Variants in ZRANB3 observed in about 807,000 individuals in gnomAD.
ZRANB3 encodes DNA annealing helicase and endonuclease ZRANB3.
ZRANB3 carries 125 observed loss-of-function variants against 133.8 expected under a neutral mutation model. The ratio of observed to expected loss-of-function variants is 0.93; its 90% CI spans 0.81 to 1.08. The LOEUF is 1.08. ZRANB3 is among the 50% of genes least tolerant of loss of function. The pLI is 0.00. For missense variants in ZRANB3, 1,229 were observed against 1,275.5 expected (o/e 0.96, Z 0.56); for synonymous variants, 387 against 432.7 (o/e 0.89, Z 1.31).
At chr2:135,213,681 G>T (rs1694192313) in intron 17 of ZRANB3, among the ~76,000 whole-genome samples, 1 of 152,006 alleles carries the variant, frequency 6.6e-6, no homozygotes, top group East Asian at 1.9e-4. Flanking sequence ...TTTTCTCCAG[G>T]TATACTAGAA....
rs1239766484 is a variant in ZRANB3, at chr2:135,350,100, AT to A, written c.474del (p.Glu158AspfsTer5). 6.2e-7 allele frequency: 1 copy of A among 1,613,700 alleles called. No homozygotes were observed. The highest frequency in any genetic ancestry group is 1.1e-5 in the South Asian group (1 of 91,076). The stretch of plus-strand genomic sequence containing the variant: ...GCATTTCTGGATTTCATGTAGTGTG[AT>A]TCATCCACTATAACTACTTTGAAGT... ...NQNFKVVIVD[E>X]SHYMKSRNAT... is the part of the protein sequence containing the mutation. On this transcript the variant is annotated frameshift_variant, in exon 5 of 21. Transcript: ENST00000264159. LOFTEE classifies it high-confidence loss of function.
intron 3 of ZRANB3, among the ~76,000 whole-genome samples, chr2:135,387,212 C>T (rs1367095034): frequency 6.6e-6 from 1 of 152,012 alleles, no homozygotes; most frequent in African/African-American, 2.4e-5. Flanking sequence ...AGGCTTTTCA[C>T]TATTTGATGA....
intron 6 of ZRANB3, among the ~76,000 whole-genome samples, chr2:135,318,281 G>T (rs1174476881): frequency 6.8e-6 from 1 of 147,502 alleles, no homozygotes; most frequent in Non-Finnish European, 1.5e-5. Context: ...CTACACAAAA[G>T]CAGGAGATTC....
chr2:135,300,029 G>T (rs1682354098), intron 8 of ZRANB3, among the ~76,000 whole-genome samples: 1 of 152,130 alleles, frequency 6.6e-6, no homozygotes, highest in African/African-American at 2.4e-5. Context: ...TCTGTCTAGA[G>T]CAAAGGAAGA....
chr2:135,210,320 CATTTTATTTT>C lies in ZRANB3; in HGVS notation c.2496-1352_2496-1343del, dbSNP rs10630129. 1.5e-4 allele frequency among the ~76,000 whole-genome samples: 23 copies of C among 151,558 alleles called. 1 individual carries two copies. Among genetic ancestry groups the C allele is most frequent in the Non-Finnish European group, 2.6e-4 (18 of 67,966 alleles). ...ATCTTTGCAGAAATGCTGATTAATT[CATTTTATTTT>C]ATTTTATTTTATTTTATTTTTTGAG... On this transcript the variant is annotated intron_variant, in intron 17 of 20. Coordinates refer to ENST00000264159, the MANE Select transcript of ZRANB3 (RefSeq NM_032143.4).
At chr2:135,462,377 G>GT (rs751287197) in intron 2 of ZRANB3, among the ~76,000 whole-genome samples, 13 of 152,096 alleles carry the variant, frequency 8.5e-5, no homozygotes, top group Non-Finnish European at 1.8e-4. Flanking sequence ...ACAATTCCAC[G>GT]TAACTAAAAA....
At chr2:135,485,963 T>C (rs1383184783) in intron 2 of ZRANB3, among the ~76,000 whole-genome samples, 3 of 152,226 alleles carry the variant, frequency 2.0e-5, no homozygotes, top group Non-Finnish European at 4.4e-5. Flanking sequence ...TTTCATGTAT[T>C]AATACATATA....
intron 5 of ZRANB3, among the ~76,000 whole-genome samples, chr2:135,346,811 T>C (rs1217446922): frequency 6.6e-6 from 1 of 152,226 alleles, no homozygotes; most frequent in East Asian, 1.9e-4. Context: ...ATTCATATAC[T>C]ATTCAAACTT....
At chr2:135,241,534 A>G (rs1402388380) in intron 12 of ZRANB3, among the ~76,000 whole-genome samples, 2 of 152,036 alleles carry the variant, frequency 1.3e-5, no homozygotes, top group African/African-American at 2.4e-5. Flanking sequence ...TCAAATGTCT[A>G]ATGACACTTG....
At chr2:135,490,543 G>C (rs1463433468) in intron 2 of ZRANB3, among the ~76,000 whole-genome samples, 1 of 152,086 alleles carries the variant, frequency 6.6e-6, no homozygotes, top group African/African-American at 2.4e-5. Context: ...GCACACTGTT[G>C]GTAGGAATGT....
intron 14 of ZRANB3, among the ~76,000 whole-genome samples, chr2:135,225,214 G>A (rs982896906): frequency 3.3e-5 from 5 of 152,284 alleles, no homozygotes; most frequent in South Asian, 2.1e-4. Context: ...ACTGAGGCAC[G>A]TTAACTTACT....
At chr2:135,477,777 T>C (rs1337153523) in intron 2 of ZRANB3, among the ~76,000 whole-genome samples, 2 of 152,162 alleles carry the variant, frequency 1.3e-5, no homozygotes, top group Admixed American at 1.3e-4. Context: ...GAGGACTGCT[T>C]AAGCCCAGGA....
chr2:135,265,926 C>G (rs1680220405), intron 11 of ZRANB3, among the ~76,000 whole-genome samples: 1 of 152,144 alleles, frequency 6.6e-6, no homozygotes, highest in Non-Finnish European at 1.5e-5. Flanking sequence ...AAACCTGAAA[C>G]ACGCCAGGTG....
intron 3 of ZRANB3, among the ~76,000 whole-genome samples, chr2:135,371,069 C>T (rs1686157163): frequency 6.6e-6 from 1 of 152,152 alleles, no homozygotes; most frequent in Non-Finnish European, 1.5e-5. Flanking sequence ...TGCCCAGTCT[C>T]AGGTATTTCT....
chr2:135,211,613 A>G (rs1426328223), intron 17 of ZRANB3, among the ~76,000 whole-genome samples: 1 of 152,214 alleles, frequency 6.6e-6, no homozygotes, highest in East Asian at 1.9e-4. Context: ...ATTTTTAGAA[A>G]TAAATAATAG....
In ZRANB3 at chr2:135,416,804, A is replaced by G. The variant is rs1057420993; in HGVS notation, c.162-25984T>C. The stretch of plus-strand genomic sequence containing the variant: ...GAACAGAGCCCTCAGAAATAACGCC[A>G]CATATCTACAACTATCTGATCTTTG... On this transcript the variant is annotated intron_variant, in intron 2 of 20. Transcript: ENST00000264159. 4.9e-4 allele frequency among the ~76,000 whole-genome samples: 74 copies of G among 152,182 alleles called. 2 individuals are homozygous for G. The highest frequency in any genetic ancestry group is 3.9e-4 in the African/African-American group (16 of 41,452).
intron 2 of ZRANB3, among the ~76,000 whole-genome samples, chr2:135,441,005 A>T (rs922518902): frequency 1.4e-4 from 22 of 152,192 alleles, no homozygotes; most frequent in Admixed American, 1.0e-3. Flanking sequence ...AAAGCATCCC[A>T]ACATTCATAT....
At chr2:135,433,937 C>A (rs555083788) in intron 2 of ZRANB3, among the ~76,000 whole-genome samples, 2 of 152,128 alleles carry the variant, frequency 1.3e-5, no homozygotes, top group South Asian at 2.1e-4. Context: ...GCGGAGGTTG[C>A]GGTGAGTTGA....
chr2:135,260,680 C>T (rs1207398110), intron 12 of ZRANB3, among the ~76,000 whole-genome samples: 2 of 144,908 alleles, frequency 1.4e-5, no homozygotes, highest in African/African-American at 5.0e-5. Flanking sequence ...TATACTTGAA[C>T]ATATTTATAT....
Sources: gnomAD v4.1 joint callset for allele counts (sites outside exome capture counted in the v4.1 genomes callset) on GRCh38, gnomAD v4.1.1 for gene constraint, MANE v1.5 for transcripts, NCBI Gene and HGNC (gene_info 2026-07-23, HGNC 2026-07-21) for gene names.